GALNT13: variants seen among roughly 807,000 people sequenced by gnomAD.
The protein encoded by GALNT13 is polypeptide N-acetylgalactosaminyltransferase 13.
GALNT13 carries 28 observed loss-of-function variants against 64.2 expected under a neutral mutation model. The ratio of observed to expected loss-of-function variants is 0.44; its 90% CI spans 0.32 to 0.60. The LOEUF is 0.60. GALNT13 is among the 20% of genes least tolerant of loss of function. The probability of loss-of-function intolerance (pLI) is 0.05; values close to 1 mark genes in which losing one functional copy is unlikely to be tolerated. For missense variants in GALNT13, 577 were observed against 669.8 expected (o/e 0.86, Z 1.53); for synonymous variants, 214 against 224.6 (o/e 0.95, Z 0.42).
the GALNT13 span, among the ~76,000 whole-genome samples, chr2:153,550,138 G>C: frequency 2.6e-5 from 4 of 152,106 alleles, no homozygotes; most frequent in Non-Finnish European, 5.9e-5. Flanking sequence ...CAAGATGGCA[G>C]CTATCTAGCA....
the GALNT13 span, among the ~76,000 whole-genome samples, chr2:153,852,201 G>A: frequency 1.3e-5 from 2 of 152,076 alleles, no homozygotes; most frequent in Admixed American, 1.3e-4. Flanking sequence ...TACATTAAAT[G>A]TAAATGTCCT....
intron 3 of GALNT13, among the ~76,000 whole-genome samples, chr2:154,018,972 G>T (rs964720644): frequency 6.6e-6 from 1 of 151,982 alleles, no homozygotes; most frequent in Non-Finnish European, 1.5e-5. Flanking sequence ...GAGTAGGGAG[G>T]AAGAAAGATA....
chr2:153,947,892 T>G (rs534245567), intron 3 of GALNT13, among the ~76,000 whole-genome samples: 2 of 152,268 alleles, frequency 1.3e-5, no homozygotes, highest in South Asian at 4.1e-4. Context: ...TTCAATTTTC[T>G]GCATATGCCT....
the GALNT13 span, among the ~76,000 whole-genome samples, chr2:153,736,445 TC>T: frequency 2.0e-5 from 3 of 152,174 alleles, no homozygotes; most frequent in South Asian, 6.2e-4. Flanking sequence ...GAACATTGGT[TC>T]CTTTTAATAG....
Position 154,128,453 on chromosome 2 carries a change from G to C in GALNT13, c.143-11884G>C, listed in dbSNP as rs564958501. 2.6e-5 allele frequency among the ~76,000 whole-genome samples: 4 copies of C among 151,942 alleles called. No individual in the cohort carries two copies. In the East Asian group the frequency reaches 7.7e-4, roughly 29 times the overall value. On this transcript the variant is annotated intron_variant, in intron 3 of 12. Transcript: ENST00000392825. ...CTTATGGTGTATTATTAGTATCCTG[G>C]TTCTTTTTATTAGTATTAACTAACA...
the GALNT13 span, among the ~76,000 whole-genome samples, chr2:153,253,144 T>A: frequency 0.012 from 1,878 of 151,442 alleles, 49 homozygotes; most frequent in African/African-American, 0.044. Context: ...CTTATTTCCT[T>A]GAGCAGTGGT....
intron 1 of GALNT13, among the ~76,000 whole-genome samples, chr2:153,876,962 T>C (rs1686425186): frequency 1.3e-5 from 2 of 152,138 alleles, no homozygotes; most frequent in South Asian, 4.1e-4. Flanking sequence ...TCTCTTAATG[T>C]GTACACTACC....
the GALNT13 span, among the ~76,000 whole-genome samples, chr2:153,375,587 T>C: frequency 6.6e-6 from 1 of 152,190 alleles, no homozygotes; most frequent in African/African-American, 2.4e-5. Context: ...TGATTCTTGA[T>C]ATTGTTATTT....
chr2:153,794,852 A>T, the GALNT13 span, among the ~76,000 whole-genome samples: 3 of 152,160 alleles, frequency 2.0e-5, no homozygotes, highest in Admixed American at 6.5e-5. Context: ...TACTTCAGAA[A>T]TTTTTTGAAG....
At chr2:154,348,107 A>T (rs1348330899) in intron 9 of GALNT13, among the ~76,000 whole-genome samples, 1 of 152,194 alleles carries the variant, frequency 6.6e-6, no homozygotes, top group African/African-American at 2.4e-5. Context: ...ATTGTGTTAT[A>T]TCCCTGTGTT....
intron 3 of GALNT13, among the ~76,000 whole-genome samples, chr2:154,023,971 T>A (rs1193204213): frequency 6.6e-6 from 1 of 152,202 alleles, no homozygotes; most frequent in Non-Finnish European, 1.5e-5. Flanking sequence ...TTTGGCTGGA[T>A]ATGAGATTCT....
At chr2:153,536,324 G>A in the GALNT13 span, among the ~76,000 whole-genome samples, 1 of 152,176 alleles carries the variant, frequency 6.6e-6, no homozygotes, top group Non-Finnish European at 1.5e-5. Context: ...CTATCCCAGT[G>A]CTGGTTCTCA....
the GALNT13 span, among the ~76,000 whole-genome samples, chr2:153,659,011 A>T: frequency 6.6e-6 from 1 of 152,122 alleles, no homozygotes; most frequent in African/African-American, 2.4e-5. Context: ...ATTTATTAAC[A>T]TACACTATTT....
At chr2:153,680,674 C>T in the GALNT13 span, among the ~76,000 whole-genome samples, 1 of 151,810 alleles carries the variant, frequency 6.6e-6, no homozygotes, top group Non-Finnish European at 1.5e-5. Context: ...TAAGAGTGAT[C>T]ATGAAAATTC....
intron 9 of GALNT13, among the ~76,000 whole-genome samples, chr2:154,360,077 T>G (rs560794078): frequency 8.5e-4 from 130 of 152,274 alleles, no homozygotes; most frequent in African/African-American, 3.0e-3. Flanking sequence ...ACAATAAACT[T>G]GTTTTCTTTT....
At chr2:153,141,634 T>A in the GALNT13 span, among the ~76,000 whole-genome samples, 1 of 151,946 alleles carries the variant, frequency 6.6e-6, no homozygotes, top group East Asian at 1.9e-4. Context: ...CTGGGTGTGG[T>A]GAGGAAGAGA....
chr2:154,149,615 T>C (rs1683852378), intron 4 of GALNT13, among the ~76,000 whole-genome samples: 2 of 152,202 alleles, frequency 1.3e-5, no homozygotes, highest in South Asian at 4.1e-4. Context: ...AGCAGTGGTT[T>C]ATGGTTCTCC....
the GALNT13 span, among the ~76,000 whole-genome samples, chr2:153,437,697 C>A: frequency 6.6e-6 from 1 of 152,062 alleles, no homozygotes; most frequent in Non-Finnish European, 1.5e-5. Flanking sequence ...TCCTCCATCC[C>A]TTTATTTTGA....
the GALNT13 span, among the ~76,000 whole-genome samples, chr2:153,312,867 A>C: frequency 6.6e-6 from 1 of 152,282 alleles, no homozygotes; most frequent in South Asian, 2.1e-4. Flanking sequence ...TTTATCCCAA[A>C]CCCAAGTCTG....
Sources: gnomAD v4.1 joint callset for allele counts (sites outside exome capture counted in the v4.1 genomes callset) on GRCh38, gnomAD v4.1.1 for gene constraint, MANE v1.5 for transcripts, NCBI Gene and HGNC (gene_info 2026-07-23, HGNC 2026-07-21) for gene names.